The following EIF4G3 variants were observed in gnomAD, a reference collection of about 807,000 sequenced individuals.
EIF4G3 encodes eukaryotic translation initiation factor 4 gamma 3.
Under a neutral mutation model 186.4 loss-of-function variants are expected in EIF4G3, and 34 were observed. That is an observed-to-expected ratio of 0.18 (90% CI 0.14 to 0.24). The LOEUF is 0.24. Ranked by LOEUF, EIF4G3 falls within the 10% of genes least tolerant of loss-of-function variation. EIF4G3 has a pLI of 1.00. For synonymous variants in EIF4G3, 673 were observed against 679.5 expected (o/e 0.99, Z 0.15); for missense variants, 1,536 against 1,948.5 (o/e 0.79, Z 3.99).
chr1:20,817,216 G>A (rs1240936641), intron 34 of EIF4G3, among the ~76,000 whole-genome samples, 176 bp downstream of exon 34: 2 of 122,670 alleles, frequency 1.6e-5, no homozygotes, highest in South Asian at 2.5e-4. Context: ...CCCCCTCTGC[G>A]AGAAACACCC....
At chr1:20,882,077 C>G (rs899572682) in intron 19 of EIF4G3, among the ~76,000 whole-genome samples, 1 of 151,840 alleles carries the variant, frequency 6.6e-6, no homozygotes, top group Non-Finnish European at 1.5e-5. Context: ...GCAGGAAGAT[C>G]GCTTGAGCCT....
At chr1:21,038,652 T>C (rs1165550846) in intron 4 of EIF4G3, among the ~76,000 whole-genome samples, 2 of 152,186 alleles carry the variant, frequency 1.3e-5, no homozygotes, top group African/African-American at 4.8e-5. Flanking sequence ...CACTAATTTC[T>C]TTCTTTCTTC....
At chr1:21,114,552 G>T (rs2096784030) in intron 2 of EIF4G3, among the ~76,000 whole-genome samples, 1 of 152,094 alleles carries the variant, frequency 6.6e-6, no homozygotes, top group Non-Finnish European at 1.5e-5. Context: ...ATTTCAAAAT[G>T]GTGATGCTTG....
chr1:21,070,965 CA>C (rs1156429579), intron 3 of EIF4G3, among the ~76,000 whole-genome samples: 1 of 152,124 alleles, frequency 6.6e-6, no homozygotes, highest in African/African-American at 2.4e-5. Context: ...CAACCGCTAC[CA>C]CCCCCTCATA....
At chr1:20,950,683 T>C in intron 12 of EIF4G3, among the ~76,000 whole-genome samples, 1 of 152,118 alleles carries the variant, frequency 6.6e-6, no homozygotes, top group East Asian at 1.9e-4. Context: ...TGTCTACAGG[T>C]TCTGGGTCAA....
intron 10 of EIF4G3, among the ~76,000 whole-genome samples, chr1:20,979,756 CT>C (rs11370570): frequency 9.5e-4 from 137 of 143,906 alleles, no homozygotes; most frequent in Middle Eastern, 3.6e-3. Context: ...ACTTTTCTGT[CT>C]TTTTTTTTTT....
intron 4 of EIF4G3, among the ~76,000 whole-genome samples, chr1:21,019,486 T>C (rs1283143938): frequency 1.3e-5 from 2 of 152,206 alleles, no homozygotes; most frequent in Non-Finnish European, 2.9e-5. Context: ...CAACATTTAA[T>C]AGTCTGCACA....
At chr1:20,976,419 G>C (rs1224648138) in intron 10 of EIF4G3, among the ~76,000 whole-genome samples, 1 of 132,358 alleles carries the variant, frequency 7.6e-6, no homozygotes, top group Non-Finnish European at 1.5e-5. Context: ...GATTTTTGTT[G>C]TTAAAACATG....
rs185098059 is a variant in EIF4G3, at chr1:20,979,847, T to A, written c.493+487A>T. Among the ~76,000 whole-genome samples, 535 of 151,038 alleles carry A rather than the reference T, an allele frequency of 3.5e-3. 2 individuals are homozygous for A. The highest frequency in any genetic ancestry group is 6.5e-3 in the Admixed American group (98 of 15,094). ...CTCACTGCAAGCTCTGCCTCCCGGG[T>A]TCAAGCCATTCTCCTGCCTCAGCCT... On this transcript the variant is annotated intron_variant, in intron 10 of 36. Transcript: ENST00000602326.
intron 14 of EIF4G3, among the ~76,000 whole-genome samples, chr1:20,912,916 A>C (rs2093418647): frequency 6.6e-6 from 1 of 152,192 alleles, no homozygotes; most frequent in Non-Finnish European, 1.5e-5. Context: ...TTTATCTAAG[A>C]AACTAAGGTG....
At chr1:21,070,437 C>T (rs2095408696) in intron 3 of EIF4G3, among the ~76,000 whole-genome samples, 1 of 152,126 alleles carries the variant, frequency 6.6e-6, no homozygotes, top group South Asian at 2.1e-4. Flanking sequence ...AGCAACAACA[C>T]AATAATAAAT....
intron 29 of EIF4G3, among the ~76,000 whole-genome samples, chr1:20,845,468 C>T (rs1202732727): frequency 6.6e-6 from 1 of 152,160 alleles, no homozygotes; most frequent in Non-Finnish European, 1.5e-5. Context: ...CAAGACCATC[C>T]TGGCTAACAC....
chr1:20,836,422 T>C (rs925264607), intron 30 of EIF4G3, among the ~76,000 whole-genome samples: 2 of 150,552 alleles, frequency 1.3e-5, no homozygotes, highest in African/African-American at 5.0e-5. Context: ...TTTTTGTTAA[T>C]TTTTTTTACA....
At chr1:20,912,874 G>T (rs1256655551) in intron 14 of EIF4G3, among the ~76,000 whole-genome samples, 4 of 152,174 alleles carry the variant, frequency 2.6e-5, no homozygotes, top group Non-Finnish European at 5.9e-5. Flanking sequence ...TCCTTTCACA[G>T]ATCTTCATGG....
intron 32 of EIF4G3, 120 bp downstream of exon 32, chr1:20,827,497 A>C: frequency 4.4e-6 from 2 of 449,812 alleles, no homozygotes; most frequent in Non-Finnish European, 7.9e-6. Flanking sequence ...GGGTTGAAGC[A>C]GAGACCTCAT....
chr1:21,122,079 C>T (rs974991309), intron 2 of EIF4G3, among the ~76,000 whole-genome samples: 3 of 152,160 alleles, frequency 2.0e-5, no homozygotes, highest in African/African-American at 7.2e-5. Context: ...ACATGAGCTC[C>T]AGTCCCAACA....
chr1:21,071,805 CAA>C (rs545364139), intron 3 of EIF4G3, among the ~76,000 whole-genome samples: 8 of 91,304 alleles, frequency 8.8e-5, no homozygotes, highest in Non-Finnish European at 6.8e-5. Context: ...GGCTCCGTCT[CAA>C]AAAAAAAAAA....
intron 11 of EIF4G3, 106 bp downstream of exon 11, chr1:20,972,896 A>AT: frequency 1.2e-6 from 1 of 839,012 alleles, no homozygotes; most frequent in African/African-American, 1.8e-5. Context: ...AAAAAAAAAA[A>AT]GGCACAGTAA....
intron 4 of EIF4G3, among the ~76,000 whole-genome samples, chr1:21,033,097 G>C (rs954300203): frequency 1.4e-4 from 21 of 152,146 alleles, no homozygotes; most frequent in African/African-American, 5.1e-4. Flanking sequence ...TATGTTTCTA[G>C]ATGACATCAA....
Sources: gnomAD v4.1 joint callset for allele counts (sites outside exome capture counted in the v4.1 genomes callset) on GRCh38, gnomAD v4.1.1 for gene constraint, MANE v1.5 for transcripts, NCBI Gene and HGNC (gene_info 2026-07-23, HGNC 2026-07-21) for gene names.